The following CAMTA1 variants were observed in gnomAD, a reference collection of about 807,000 sequenced individuals.
The protein encoded by CAMTA1 is calmodulin-binding transcription activator 1.
A neutral mutation model predicts 170.9 loss-of-function variants in CAMTA1; 27 were observed. The observed-to-expected ratio is 0.16, with a 90% CI of 0.12 to 0.22. The LOEUF (loss-of-function observed/expected upper bound fraction) is 0.22, where lower values mean the gene tolerates loss of function less well. Ranked by LOEUF, CAMTA1 falls within the 10% of genes least tolerant of loss-of-function variation. The pLI is 1.00. For missense variants in CAMTA1, 1,619 were observed against 2,217.2 expected (o/e 0.73, Z 5.42); for synonymous variants, 833 against 891.5 (o/e 0.93, Z 1.17).
chr1:7,334,758 C>T (rs6691196), intron 5 of CAMTA1, among the ~76,000 whole-genome samples: 1 of 152,014 alleles, frequency 6.6e-6, no homozygotes, highest in Admixed American at 6.6e-5. Flanking sequence ...TGAGGCCTTC[C>T]GGTCGCCTTT....
chr1:7,572,178 A>ATGGGG (rs1191012260), intron 6 of CAMTA1, among the ~76,000 whole-genome samples: 1 of 152,088 alleles, frequency 6.6e-6, no homozygotes, highest in Non-Finnish European at 1.5e-5. Flanking sequence ...CTATGTTTTA[A>ATGGGG]CGGGGTTGTT....
chr1:6,847,625 G>T (rs1658738856), intron 3 of CAMTA1, among the ~76,000 whole-genome samples: 1 of 151,200 alleles, frequency 6.6e-6, no homozygotes, highest in South Asian at 2.1e-4. Context: ...TGCAACCTCT[G>T]CCTCCTGGGT....
chr1:6,843,923 A>C (rs1461299431), intron 3 of CAMTA1, among the ~76,000 whole-genome samples: 1 of 152,344 alleles, frequency 6.6e-6, no homozygotes, highest in South Asian at 2.1e-4. Context: ...GGGAGCTTTC[A>C]TGTACTGCTG....
chr1:7,194,001 C>G (rs938649234), intron 4 of CAMTA1, among the ~76,000 whole-genome samples: 1 of 152,176 alleles, frequency 6.6e-6, no homozygotes, highest in Non-Finnish European at 1.5e-5. Flanking sequence ...AGCATCATAT[C>G]TCACTGATAC....
chr1:6,909,170 TG>T (rs1444483220), intron 3 of CAMTA1, among the ~76,000 whole-genome samples: 2 of 152,238 alleles, frequency 1.3e-5, no homozygotes, highest in African/African-American at 4.8e-5. Context: ...TTTATTTGTC[TG>T]CTTTGATCAT....
Position 7,680,005 on chromosome 1 carries a change from G to A in CAMTA1, c.2914+2272G>A, listed in dbSNP as rs1037227619. ...TCTTTTTCCCCCTAAATGAATACAA[G>A]GCACTCACCCACCCAAGGGCCCAGC... On this transcript the variant is annotated intron_variant, in intron 11 of 22. Coordinates refer to ENST00000303635, the MANE Select transcript of CAMTA1 (RefSeq NM_015215.4). This position sits in a 1 kb window ranked among gnomAD's most constrained non-coding sequence, Gnocchi z 4.4. Among the ~76,000 whole-genome samples, 2 of 152,198 alleles carry A rather than the reference G, an allele frequency of 1.3e-5. No homozygotes were observed. The highest frequency in any genetic ancestry group is 2.9e-5 in the Non-Finnish European group (2 of 68,038).
At position 7,641,109 on chromosome 1, in the gene CAMTA1, A is replaced by G. The variant is rs2095756905; in HGVS notation, c.664+556A>G. 6.6e-6 allele frequency among the ~76,000 whole-genome samples: 1 copy of G among 152,200 alleles called. No homozygotes were observed. Among genetic ancestry groups the G allele is most frequent in the South Asian group, 2.1e-4 (1 of 4,820 alleles). On this transcript the variant is annotated intron_variant, in intron 7 of 22. Transcript: ENST00000303635. This position sits in a 1 kb window ranked among gnomAD's most constrained non-coding sequence, Gnocchi z 4.5. ...TGTCAGGTGCAAATCACAGAATGCA[A>G]AACACCGAGTGAGGCAGGGAAGCTG...
chr1:7,490,505 AGCCGGGC>A (rs1258702812), intron 6 of CAMTA1, among the ~76,000 whole-genome samples: 2 of 152,144 alleles, frequency 1.3e-5, no homozygotes, highest in African/African-American at 4.8e-5. Flanking sequence ...TACAAAAATT[AGCCGGGC>A]GTAGTGGCAC....
intron 1 of CAMTA1, among the ~76,000 whole-genome samples, chr1:6,790,359 A>T (rs867599855): frequency 5.2e-5 from 7 of 134,034 alleles, no homozygotes; most frequent in Admixed American, 7.2e-5. Flanking sequence ...GCAGAGTGTG[A>T]GAGAGAGAGA....
intron 6 of CAMTA1, among the ~76,000 whole-genome samples, chr1:7,569,514 T>C (rs143946909): frequency 5.4e-5 from 8 of 149,206 alleles, no homozygotes; most frequent in African/African-American, 1.0e-4. Flanking sequence ...ATGATTACCA[T>C]TACCTTCATC....
In CAMTA1 at chr1:7,677,620, C is replaced by A. The variant is rs2096135671; in HGVS notation, c.2801C>A (p.Thr934Asn). 6.2e-7 allele frequency: 1 copy of A among 1,614,082 alleles called. No homozygotes were observed. Reference sequence around the variant, plus strand: ...TCAGCCCATGACACTGGTCTTGTGACCCTACAAGTTGCCTTCAACAACCAG... The same window carrying A: ...TCAGCCCATGACACTGGTCTTGTGAACCTACAAGTTGCCTTCAACAACCAG... ...YCPAHDTGLV[T>N]LQVAFNNQII... The change falls in exon 11 of 23, where the codon ACC becomes AAC. Residue 934 changes from threonine to asparagine, a missense_variant. This residue lies in a region of CAMTA1 where 143 missense variants were observed against 184.2 expected (regional missense o/e 0.78). Transcript: ENST00000303635.
intron 5 of CAMTA1, among the ~76,000 whole-genome samples, chr1:7,374,796 A>C (rs1411253994): frequency 6.6e-6 from 1 of 152,210 alleles, no homozygotes; most frequent in Non-Finnish European, 1.5e-5. Context: ...CTCACTATTC[A>C]TGCTGTTATT....
At chr1:7,523,540 T>C (rs533975365) in intron 6 of CAMTA1, among the ~76,000 whole-genome samples, 4 of 152,248 alleles carry the variant, frequency 2.6e-5, no homozygotes, top group Non-Finnish European at 4.4e-5. Context: ...GTTGTCATTT[T>C]CAGTATACAA....
chr1:7,381,131 T>G (rs1328498168), intron 5 of CAMTA1, among the ~76,000 whole-genome samples: 1 of 151,612 alleles, frequency 6.6e-6, no homozygotes, highest in African/African-American at 2.4e-5. Context: ...GACGGTTTGA[T>G]TTTTCTTTTT....
At chr1:7,414,329 A>G (rs1029895436) in intron 5 of CAMTA1, among the ~76,000 whole-genome samples, 7 of 152,288 alleles carry the variant, frequency 4.6e-5, no homozygotes, top group African/African-American at 1.4e-4. Context: ...TTTCAGAAGG[A>G]ATGGTACCAG....
At chr1:7,618,720 G>A (rs2095576917) in intron 6 of CAMTA1, among the ~76,000 whole-genome samples, 1 of 152,152 alleles carries the variant, frequency 6.6e-6, no homozygotes, top group Non-Finnish European at 1.5e-5. Flanking sequence ...TGAAAACCTT[G>A]TGGCTTAGGG....
intron 3 of CAMTA1, among the ~76,000 whole-genome samples, chr1:6,916,268 G>A (rs955479338): frequency 1.3e-5 from 2 of 152,046 alleles, no homozygotes; most frequent in Non-Finnish European, 2.9e-5. Context: ...GGCGCTTCCC[G>A]GGCATCACAG....
chr1:7,253,232 T>C (rs1376350588), intron 5 of CAMTA1, among the ~76,000 whole-genome samples: 2 of 152,164 alleles, frequency 1.3e-5, no homozygotes, highest in Non-Finnish European at 2.9e-5. Context: ...TGGGAGACTC[T>C]CAGAGAGCGA....
At chr1:7,566,818 C>A (rs564620752) in intron 6 of CAMTA1, among the ~76,000 whole-genome samples, 37 of 152,304 alleles carry the variant, frequency 2.4e-4, no homozygotes, top group African/African-American at 8.9e-4. Flanking sequence ...GCAATGAGAC[C>A]AGCCCAAGCC....
Sources: allele counts gnomAD v4.1 joint callset (sites outside exome capture counted in the v4.1 genomes callset), GRCh38; gene constraint gnomAD v4.1.1; regional missense constraint gnomAD v4.1.1; non-coding constraint Gnocchi (gnomAD v3.1); transcripts MANE v1.5; gene names NCBI Gene and HGNC (gene_info 2026-07-23, HGNC 2026-07-21).